Variants in ADAM18 observed in about 807,000 individuals in gnomAD.
The protein encoded by ADAM18 is ADAM metallopeptidase domain 18, also known as disintegrin and metalloproteinase domain-containing protein 18.
Under a neutral mutation model 94.4 loss-of-function variants are expected in ADAM18, and 117 were observed. The ratio of observed to expected loss-of-function variants is 1.24; its 90% CI spans 1.07 to 1.45. The LOEUF (loss-of-function observed/expected upper bound fraction) is 1.45, where lower values mean the gene tolerates loss of function less well. Among genes scored for constraint, ADAM18 ranks in the 40% most tolerant of loss-of-function variants. ADAM18 has a pLI of 0.00. For synonymous variants in ADAM18, 327 were observed against 291.6 expected (o/e 1.12, Z -1.24); for missense variants, 936 against 880.0 (o/e 1.06, Z -0.81).
chr8:39,635,081 G>A (rs1820042155), intron 7 of ADAM18, among the ~76,000 whole-genome samples: 1 of 152,176 alleles, frequency 6.6e-6, no homozygotes, highest in Non-Finnish European at 1.5e-5. Context: ...GCACTGTGTA[G>A]CTTTCTCTTC....
Position 39,608,884 on chromosome 8 carries a change from T to C in ADAM18, c.189-158T>C, listed in dbSNP as rs187263909. ...TAAACTCTTTGATTCACCAGTTCTA[T>C]GAATTTCAACTGTTATGCCTCACTA... On this transcript the variant is annotated intron_variant, in intron 3 of 19. Transcript: ENST00000265707. 2.7e-3 allele frequency among the ~76,000 whole-genome samples: 418 copies of C among 152,336 alleles called. 2 individuals carry two copies. Among genetic ancestry groups the C allele is most frequent in the Non-Finnish European group, 3.5e-3 (241 of 68,030 alleles).
intron 6 of ADAM18, among the ~76,000 whole-genome samples, chr8:39,614,803 T>A (rs890446298): frequency 6.6e-6 from 1 of 152,164 alleles, no homozygotes; most frequent in East Asian, 1.9e-4. Context: ...ACACAGGGGT[T>A]GCTATTCTAA....
chr8:39,626,193 G>T lies in ADAM18; in HGVS notation c.523-3181G>T, dbSNP rs558023996. 2.4e-4 allele frequency among the ~76,000 whole-genome samples: 37 copies of T among 152,152 alleles called. No individual in the cohort carries two copies. The South Asian group carries it at 6.4e-3, about 26-fold the overall frequency. The stretch of plus-strand genomic sequence containing the variant: ...CCATTTCTTCCAGATTTTCTAGTTT[G>T]TGTGCATAGAAGTGTTCATAGTAGT... On this transcript the variant is annotated intron_variant, in intron 6 of 19. Transcript: ENST00000265707.
At chr8:39,585,851 T>C (rs1257423340) in intron 2 of ADAM18, among the ~76,000 whole-genome samples, 1 of 152,188 alleles carries the variant, frequency 6.6e-6, no homozygotes, top group Non-Finnish European at 1.5e-5. Flanking sequence ...TAAGTAAATA[T>C]TAACTGGAAA....
At chr8:39,626,669 C>T (rs1433336177) in intron 6 of ADAM18, among the ~76,000 whole-genome samples, 1 of 151,994 alleles carries the variant, frequency 6.6e-6, no homozygotes, top group Non-Finnish European at 1.5e-5. Flanking sequence ...ACCCCAAAAT[C>T]ATTCAGGATC....
chr8:39,632,294 T>C (rs1160073896), intron 7 of ADAM18, among the ~76,000 whole-genome samples: 1 of 152,052 alleles, frequency 6.6e-6, no homozygotes. Flanking sequence ...TATTCCTAAA[T>C]TTTCCCCTAA....
At chr8:39,718,084 G>A (rs1822630167) in intron 18 of ADAM18, among the ~76,000 whole-genome samples, 1 of 151,490 alleles carries the variant, frequency 6.6e-6, no homozygotes. Flanking sequence ...AATAAAGGAT[G>A]TGAAGAACTT....
At chr8:39,712,017 C>A (rs578035092) in intron 18 of ADAM18, among the ~76,000 whole-genome samples, 2 of 142,526 alleles carry the variant, frequency 1.4e-5, no homozygotes, top group African/African-American at 2.6e-5. Flanking sequence ...AAATGGTCAA[C>A]TAAAATCAGA....
chr8:39,605,361 T>A (rs148677993), intron 2 of ADAM18, among the ~76,000 whole-genome samples: 4 of 152,312 alleles, frequency 2.6e-5, no homozygotes, highest in African/African-American at 9.6e-5. Flanking sequence ...TGAGCATTGT[T>A]AGTACCCAAT....
At chr8:39,605,233 A>T (rs1036828540) in intron 2 of ADAM18, among the ~76,000 whole-genome samples, 5 of 152,186 alleles carry the variant, frequency 3.3e-5, no homozygotes, top group African/African-American at 1.2e-4. Context: ...TTGGAAGAGA[A>T]ATGGTGGGTT....
intron 13 of ADAM18, among the ~76,000 whole-genome samples, chr8:39,666,052 G>C (rs1324373055): frequency 6.6e-6 from 1 of 151,706 alleles, no homozygotes; most frequent in Non-Finnish European, 1.5e-5. Flanking sequence ...TTGTTTGTTT[G>C]TTTGAGACAG....
intron 6 of ADAM18, among the ~76,000 whole-genome samples, chr8:39,614,193 A>G (rs1819365581): frequency 6.6e-6 from 1 of 152,182 alleles, no homozygotes; most frequent in Non-Finnish European, 1.5e-5. Context: ...TCCAAACTCA[A>G]TGTGAAAGAA....
intron 6 of ADAM18, among the ~76,000 whole-genome samples, chr8:39,615,966 CA>C (rs570027658): frequency 4.0e-5 from 6 of 151,376 alleles, no homozygotes; most frequent in African/African-American, 1.2e-4. Flanking sequence ...ACATTAGCCA[CA>C]AAAAAAATAT....
chr8:39,596,660 A>G (rs1275766855), intron 2 of ADAM18, among the ~76,000 whole-genome samples: 2 of 152,190 alleles, frequency 1.3e-5, no homozygotes, highest in East Asian at 3.8e-4. Flanking sequence ...TTGTATGGAC[A>G]TAAGTTTTCA....
At chr8:39,680,339 C>T in intron 16 of ADAM18, 113 bp downstream of exon 16, 1 of 982,388 alleles carries the variant, frequency 1.0e-6, no homozygotes, top group Non-Finnish European at 1.4e-6. Context: ...CTTGTGCTGG[C>T]ATTTATTTCC....
chr8:39,667,130 G>A (rs139699537), intron 13 of ADAM18, among the ~76,000 whole-genome samples: 23 of 152,002 alleles, frequency 1.5e-4, no homozygotes, highest in East Asian at 9.7e-4. Context: ...GACTTGGCGC[G>A]GTGGCTCATG....
At chr8:39,624,006 T>C (rs1819692022) in intron 6 of ADAM18, among the ~76,000 whole-genome samples, 1 of 152,214 alleles carries the variant, frequency 6.6e-6, no homozygotes, top group Non-Finnish European at 1.5e-5. Flanking sequence ...GGATTATTTG[T>C]TTTTATCTTG....
At chr8:39,638,053 G>A (rs1820133601) in intron 9 of ADAM18, among the ~76,000 whole-genome samples, 1 of 151,692 alleles carries the variant, frequency 6.6e-6, no homozygotes, top group Admixed American at 6.6e-5. Flanking sequence ...TACATTTCAT[G>A]TCTACTTTTT....
At position 39,637,019 on chromosome 8, in the gene ADAM18, TTATATATATATATATA is replaced by T. The variant is rs35248371; in HGVS notation, c.589-213_589-198del. ...AATAATATTTCCGCATGTGTGTATTTTATATATATATATATATATATATATATATATATATATATAT... is the reference window on the plus strand; with the variant it reads ...AATAATATTTCCGCATGTGTGTATTTTATATATATATATATATATATATAT... On this transcript the variant is annotated intron_variant, in intron 7 of 19. Coordinates refer to ENST00000265707, the MANE Select transcript of ADAM18 (RefSeq NM_014237.3). 3.8e-3 allele frequency among the ~76,000 whole-genome samples: 207 copies of T among 54,842 alleles called. 1 individual carries two copies. Among genetic ancestry groups the T allele is most frequent in the African/African-American group, 4.8e-3 (80 of 16,798 alleles). 36.0% of individuals were successfully genotyped at this position (54,842 alleles called of 152,430 possible).
Sources: gnomAD v4.1 joint callset for allele counts (sites outside exome capture counted in the v4.1 genomes callset) on GRCh38, gnomAD v4.1.1 for gene constraint, MANE v1.5 for transcripts, NCBI Gene and HGNC (gene_info 2026-07-23, HGNC 2026-07-21) for gene names.